Variants in NSD2 observed in about 807,000 individuals in gnomAD.
NSD2 encodes histone-lysine N-methyltransferase NSD2.
In NSD2, 12 loss-of-function variants were observed where a neutral mutation model predicts 139.0. The observed-to-expected ratio is 0.09, with a 90% CI of 0.06 to 0.14. The LOEUF is 0.14. Among genes scored for constraint, NSD2 ranks in the 10% least tolerant of loss-of-function variants. The probability of loss-of-function intolerance (pLI) is 1.00; values close to 1 mark genes in which losing one functional copy is unlikely to be tolerated. For missense variants in NSD2, 1,155 were observed against 1,745.0 expected (o/e 0.66, Z 6.02); for synonymous variants, 669 against 648.7 (o/e 1.03, Z -0.48).
rs1218217998 is a variant in NSD2 at position 1,978,938 on chromosome 4, G to A, written c.*29G>A. On this transcript the variant is annotated 3_prime_UTR_variant, in exon 22 of 22. Coordinates refer to ENST00000508803, the MANE Select transcript of NSD2 (RefSeq NM_001042424.3). ...CAGGCGGCCGCTTGGCCGGATCCAG[G>A]GGCGGTGCAGGGCGGCCGGCCCTGC... 1 of 1,458,158 alleles carries A rather than the reference G, an allele frequency of 6.9e-7. No homozygotes were observed. Among genetic ancestry groups the A allele is most frequent in the Non-Finnish European group, 9.1e-7 (1 of 1,102,890 alleles). 90.3% of individuals were successfully genotyped at this position (1,458,158 alleles called of 1,614,324 possible).
chr4:1,904,700 A>T (rs1353987573), intron 3 of NSD2, among the ~76,000 whole-genome samples: 1 of 152,210 alleles, frequency 6.6e-6, no homozygotes, highest in Non-Finnish European at 1.5e-5. Context: ...TTTTATGCTA[A>T]GTTTAAGTTG....
chr4:1,952,000 A>G, intron 10 of NSD2, 108 bp from the exon 11 acceptor site: 1 of 1,510,722 alleles, frequency 6.6e-7, no homozygotes, highest in Non-Finnish European at 8.9e-7. Flanking sequence ...CTTGAGTAGC[A>G]AAATGGGATT....
At position 1,910,158 on chromosome 4, in the gene NSD2, AT is replaced by A. The variant is rs531530549; in HGVS notation, c.760+5783del. Among the ~76,000 whole-genome samples, 4 of 152,224 alleles carry A rather than the reference AT, an allele frequency of 2.6e-5. No homozygotes were observed. The South Asian group carries it at 8.3e-4, about 32-fold the overall frequency. On this transcript the variant is annotated intron_variant, in intron 3 of 21. Coordinates refer to ENST00000508803, the MANE Select transcript of NSD2 (RefSeq NM_001042424.3). ...TGAAAGTCTTAATAGCATTGTTGTAATTTACAGCAGCAGAACCTGTGTTAGC... is the reference window on the plus strand; with the variant it reads ...TGAAAGTCTTAATAGCATTGTTGTAATTACAGCAGCAGAACCTGTGTTAGC...
rs771421826 is a variant in NSD2, at chr4:1,952,248, G to A, written c.2137+17G>A. On this transcript the variant is annotated intron_variant, in intron 11 of 21. Transcript: ENST00000508803. ...GTGCCTCAGGCAAGTTCCCACGGGC[G>A]GGCAGCTCTGCAGCCTGGCCGGCCA... 2.7e-5 allele frequency: 43 copies of A among 1,612,360 alleles called. No individual in the cohort carries two copies. Among genetic ancestry groups the A allele is most frequent in the South Asian group, 1.8e-4 (16 of 90,980 alleles).
intron 1 of NSD2, among the ~76,000 whole-genome samples, chr4:1,875,376 G>C (rs1714174722): frequency 1.3e-5 from 2 of 150,418 alleles, no homozygotes. Context: ...TGATCACCTG[G>C]GCTCAATCGA....
At chr4:1,965,362 G>A (rs1265348373) in intron 18 of NSD2, among the ~76,000 whole-genome samples, 2 of 152,150 alleles carry the variant, frequency 1.3e-5, no homozygotes, top group Admixed American at 1.3e-4. Context: ...AAAGTGAACG[G>A]ATCATAAGGG....
At position 1,974,964 on chromosome 4, in the gene NSD2, C is replaced by T. The variant is rs138946638; in HGVS notation, c.3474C>T (p.Asp1158=). 763 of 1,614,132 alleles carry T rather than the reference C, an allele frequency of 4.7e-4. 1 individual carries two copies. The African/African-American group carries it at 8.2e-3, about 17-fold the overall frequency. Residue 1158 remains aspartate (D), a synonymous_variant, in exon 19 of 22, where the codon GAC becomes GAT. Transcript: ENST00000508803. The surrounding 1 kb of genome is among the most constrained non-coding windows in gnomAD (Gnocchi z 4.0). ...CETLKWTVNG[D]TRVGLFAVCD... Reference sequence around the variant, plus strand: ...CCCTCAAGTGGACAGTGAATGGGGACACTCGTGTGGGCCTGTTTGCCGTCT... The same window carrying T: ...CCCTCAAGTGGACAGTGAATGGGGATACTCGTGTGGGCCTGTTTGCCGTCT...
chr4:1,922,999 G>A (rs1720360840), intron 5 of NSD2, among the ~76,000 whole-genome samples: 1 of 152,156 alleles, frequency 6.6e-6, no homozygotes, highest in Non-Finnish European at 1.5e-5. Context: ...AGGCTCTCGA[G>A]CATGTGGACA....
At chr4:1,892,992 G>GAA (rs972913190) in intron 1 of NSD2, 1 of 152,058 alleles carries the variant, frequency 6.6e-6, no homozygotes, top group Admixed American at 6.6e-5. Context: ...ATTTTAAGAA[G>GAA]AAAAATATTT....
chr4:1,980,675 G>C lies in NSD2; in HGVS notation c.*1766G>C, dbSNP rs541593980. The C allele has an allele frequency of 6.9e-5, 16 of 233,168 alleles. No individual in the cohort carries two copies. Among genetic ancestry groups the C allele is most frequent in the Admixed American group, 4.5e-4 (8 of 17,780 alleles). 14.4% of individuals were successfully genotyped at this position (233,168 alleles called of 1,614,324 possible). On this transcript the variant is annotated 3_prime_UTR_variant, in exon 22 of 22. Transcript: ENST00000508803. Reference sequence around the variant, plus strand: ...CTGGAAGTTTCACTGGCTGGTGGCTGTCCCTTCTCCCATCAGGGTCCCCAG... The same window carrying C: ...CTGGAAGTTTCACTGGCTGGTGGCTCTCCCTTCTCCCATCAGGGTCCCCAG...
chr4:1,883,098 G>A (rs1338875136), intron 1 of NSD2, among the ~76,000 whole-genome samples: 2 of 152,132 alleles, frequency 1.3e-5, no homozygotes, highest in Non-Finnish European at 2.9e-5. Context: ...AAGGAGAGAT[G>A]AGGGGAAGTT....
intron 7 of NSD2, 28 bp downstream of exon 7, chr4:1,935,290 T>C: frequency 6.4e-7 from 1 of 1,564,862 alleles, no homozygotes; most frequent in Non-Finnish European, 8.8e-7. Context: ...TTGCTTGACC[T>C]GTCAGAGTGT....
chr4:1,914,143 C>T (rs1376397621), intron 3 of NSD2, among the ~76,000 whole-genome samples: 1 of 152,162 alleles, frequency 6.6e-6, no homozygotes, highest in African/African-American at 2.4e-5. Context: ...GTGCCTCAGC[C>T]TCCCGAGTAG....
At chr4:1,906,041 G>T (rs963660716) in intron 3 of NSD2, among the ~76,000 whole-genome samples, 1 of 152,154 alleles carries the variant, frequency 6.6e-6, no homozygotes, top group Non-Finnish European at 1.5e-5. Context: ...ACCAGGCATA[G>T]TCTCCACACA....
At chr4:1,908,618 G>A (rs368480260) in intron 3 of NSD2, among the ~76,000 whole-genome samples, 2 of 152,160 alleles carry the variant, frequency 1.3e-5, no homozygotes, top group African/African-American at 2.4e-5. Flanking sequence ...GAAGGACAGA[G>A]TGCTAGTCAG....
rs1177170379 is a variant in NSD2, at chr4:1,927,719, GAAAAAAAAAAAAAAAAA to G, written c.1411-2893_1411-2877del. ...GGGCCACAATGAGACTCTTATCTCAGAAAAAAAAAAAAAAAAAAAAAAAAAAAAAAGCCGTGTAGGGA... is the reference window on the plus strand; with the variant it reads ...GGGCCACAATGAGACTCTTATCTCAGAAAAAAAAAAAAAGCCGTGTAGGGA... On this transcript the variant is annotated intron_variant, in intron 5 of 21. Coordinates refer to ENST00000508803, the MANE Select transcript of NSD2 (RefSeq NM_001042424.3). Among the ~76,000 whole-genome samples the G allele has an allele frequency of 1.6e-4, 3 of 18,910 alleles. No homozygotes were observed. The Admixed American group carries it at 2.3e-3, about 14-fold the overall frequency. The allele number at this position is 18,910 out of a possible 152,430, so 12.4% of individuals were successfully genotyped here.
chr4:1,940,197 A>G, intron 9 of NSD2: 1 of 1,083,156 alleles, frequency 9.2e-7, no homozygotes, highest in Non-Finnish European at 1.1e-6. Flanking sequence ...CACACACCAC[A>G]CCTGATTCCT....
At chr4:1,957,426 C>T (rs1336896041) in intron 15 of NSD2, among the ~76,000 whole-genome samples, 1 of 151,076 alleles carries the variant, frequency 6.6e-6, no homozygotes, top group African/African-American at 2.4e-5. Context: ...TGGGACCATA[C>T]GCACCTGCCA....
chr4:1,975,847 C>T (rs1274442383), intron 20 of NSD2, among the ~76,000 whole-genome samples: 1 of 152,232 alleles, frequency 6.6e-6, no homozygotes, highest in Admixed American at 6.5e-5. Flanking sequence ...AGCGCCTGCC[C>T]TGCTACCGTG....
Sources: gnomAD v4.1 joint callset for allele counts (sites outside exome capture counted in the v4.1 genomes callset) on GRCh38, gnomAD v4.1.1 for gene constraint, Gnocchi (gnomAD v3.1) non-coding constraint, MANE v1.5 for transcripts, NCBI Gene and HGNC (gene_info 2026-07-23, HGNC 2026-07-21) for gene names.